Variants in ANKS1B observed in about 807,000 individuals in gnomAD.
ANKS1B encodes ankyrin repeat and sterile alpha motif domain-containing protein 1B.
ANKS1B carries 36 observed loss-of-function variants against 148.3 expected under a neutral mutation model. The ratio of observed to expected loss-of-function variants is 0.24; its 90% CI spans 0.19 to 0.32. The LOEUF (loss-of-function observed/expected upper bound fraction) is 0.32, where lower values mean the gene tolerates loss of function less well. ANKS1B is among the 10% of genes least tolerant of loss of function. The probability of loss-of-function intolerance (pLI) is 1.00; values close to 1 mark genes in which losing one functional copy is unlikely to be tolerated. For missense variants in ANKS1B, 1,157 were observed against 1,542.6 expected (o/e 0.75, Z 4.19); for synonymous variants, 542 against 560.8 (o/e 0.97, Z 0.47).
At chr12:98,789,109 G>A (rs573148286) in intron 22 of ANKS1B, among the ~76,000 whole-genome samples, 4 of 152,312 alleles carry the variant, frequency 2.6e-5, no homozygotes, top group Non-Finnish European at 4.4e-5. Context: ...CTGAGAGGCC[G>A]AGACGGGCAG....
intron 9 of ANKS1B, among the ~76,000 whole-genome samples, chr12:99,587,244 A>G (rs576438149): frequency 6.6e-6 from 1 of 152,206 alleles, no homozygotes; most frequent in South Asian, 2.1e-4. Flanking sequence ...GATTACCCTG[A>G]CACTGAGGTG....
chr12:99,511,008 C>G (rs2096760139), intron 9 of ANKS1B, among the ~76,000 whole-genome samples: 1 of 151,836 alleles, frequency 6.6e-6, no homozygotes, highest in East Asian at 1.9e-4. Flanking sequence ...ATTTGAATAC[C>G]CCTTATTTCT....
At chr12:99,058,831 A>G (rs1183624823) in intron 16 of ANKS1B, among the ~76,000 whole-genome samples, 206 of 135,028 alleles carry the variant, frequency 1.5e-3, no homozygotes, top group Non-Finnish European at 2.7e-3. Context: ...TCCGCCTCCC[A>G]GGTTCACGCC....
intron 8 of ANKS1B, among the ~76,000 whole-genome samples, chr12:99,681,490 C>T (rs2098616760): frequency 6.6e-6 from 1 of 152,194 alleles, no homozygotes; most frequent in African/African-American, 2.4e-5. Context: ...GCTGAGAGAA[C>T]TGAAAATGGA....
At chr12:98,798,146 G>C (rs1033000150) in intron 22 of ANKS1B, among the ~76,000 whole-genome samples, 1 of 143,540 alleles carries the variant, frequency 7.0e-6, no homozygotes, top group Non-Finnish European at 1.5e-5. Flanking sequence ...TTTTGAGACA[G>C]AGTTCCACTT....
intron 11 of ANKS1B, among the ~76,000 whole-genome samples, chr12:99,432,552 C>G (rs1384459556): frequency 1.3e-5 from 2 of 152,044 alleles, no homozygotes; most frequent in East Asian, 3.9e-4. Flanking sequence ...ATATCCATTC[C>G]AGGTGGGAAG....
intron 14 of ANKS1B, among the ~76,000 whole-genome samples, chr12:99,193,172 T>C (rs2080956364): frequency 6.6e-6 from 1 of 152,226 alleles, no homozygotes; most frequent in Admixed American, 6.5e-5. Context: ...ATAACAGCTA[T>C]AGCTACTGTT....
rs1166158783 is a variant in ANKS1B, at chr12:98,953,537, G to GTTTTTTTTTTTTTTTTTTTTTTT, written c.2778+99597_2778+99619dup. Among the ~76,000 whole-genome samples, 18 of 57,456 alleles carry GTTTTTTTTTTTTTTTTTTTTTTT rather than the reference G, an allele frequency of 3.1e-4. 1 individual carries two copies. Among genetic ancestry groups the GTTTTTTTTTTTTTTTTTTTTTTT allele is most frequent in the African/African-American group, 1.2e-3 (16 of 13,570 alleles). 37.7% of individuals were successfully genotyped at this position (57,456 alleles called of 152,430 possible). A position where few individuals can be genotyped will look rare whatever the true frequency, so the allele number is the denominator to read the frequency against. ...CATGTCCATTTGAGAATCTAGAGTG[G>GTTTTTTTTTTTTTTTTTTTTTTT]TTTTTTTTTTTTTTTTTTTTTTTTT... On this transcript the variant is annotated intron_variant, in intron 17 of 26. Coordinates refer to ENST00000683438, the MANE Select transcript of ANKS1B (RefSeq NM_001352186.2).
chr12:98,939,203 C>T (rs1008163438), intron 17 of ANKS1B, among the ~76,000 whole-genome samples: 3 of 152,128 alleles, frequency 2.0e-5, no homozygotes, highest in African/African-American at 7.2e-5. Flanking sequence ...AGGATTAGTG[C>T]GTATGTTGTC....
At chr12:99,591,876 C>A (rs2097706534) in intron 9 of ANKS1B, among the ~76,000 whole-genome samples, 1 of 152,186 alleles carries the variant, frequency 6.6e-6, no homozygotes, top group East Asian at 1.9e-4. Flanking sequence ...ACCCTCACAT[C>A]TAGAGCTGCA....
intron 12 of ANKS1B, among the ~76,000 whole-genome samples, chr12:99,380,644 G>A (rs2152505987): frequency 6.6e-6 from 1 of 152,220 alleles, no homozygotes; most frequent in East Asian, 1.9e-4. Context: ...GATTCTTAAT[G>A]TATTTTGTTG....
intron 14 of ANKS1B, among the ~76,000 whole-genome samples, chr12:99,206,013 A>G (rs1279110455): frequency 6.6e-6 from 1 of 152,182 alleles, no homozygotes; most frequent in African/African-American, 2.4e-5. Context: ...AGTGGGCATG[A>G]TTTGGGCACT....
Position 99,244,387 on chromosome 12 carries a change from C to T in ANKS1B, c.2374G>A (p.Val792Ile). 2 of 1,606,986 alleles carry T rather than the reference C, an allele frequency of 1.2e-6. No individual in the cohort carries two copies. The highest frequency in any genetic ancestry group is 2.2e-5 in the East Asian group (1 of 44,492). Residue 792 changes from valine (V) to isoleucine (I), a missense_variant, in exon 14 of 27, where the codon GTT (valine) becomes ATT (isoleucine). Physicochemically the swap from Val to Ile is conservative, Grantham distance 29. Coordinates refer to ENST00000683438, the MANE Select transcript of ANKS1B (RefSeq NM_001352186.2). Reference protein sequence around the residue: ...EIDKIMSSIDVGINNELKEMN... With the variant: ...EIDKIMSSIDIGINNELKEMN... ...TCTTTAAGTTCGTTGTTGATTCCAA[C>T]ATCTATGGAACTCATTATTTTGTCA...
intron 9 of ANKS1B, among the ~76,000 whole-genome samples, chr12:99,569,584 A>G (rs1467846005): frequency 6.6e-6 from 1 of 152,220 alleles, no homozygotes; most frequent in Non-Finnish European, 1.5e-5. Flanking sequence ...TGTGCTGCCC[A>G]GATTCTGCTT....
At chr12:99,187,587 C>A (rs982828880) in intron 14 of ANKS1B, among the ~76,000 whole-genome samples, 7 of 152,108 alleles carry the variant, frequency 4.6e-5, no homozygotes, top group Non-Finnish European at 8.8e-5. Flanking sequence ...CATATCCAGC[C>A]AAACTGAGCT....
chr12:99,500,783 A>G (rs1003189600), intron 10 of ANKS1B, among the ~76,000 whole-genome samples: 4 of 152,204 alleles, frequency 2.6e-5, no homozygotes, highest in Admixed American at 1.3e-4. Flanking sequence ...CTCAAGGGTA[A>G]TATCATGCTT....
chr12:99,835,422 C>T (rs1362527642), intron 1 of ANKS1B, among the ~76,000 whole-genome samples: 2 of 145,914 alleles, frequency 1.4e-5, no homozygotes, highest in African/African-American at 5.1e-5. Context: ...GAGCAAGACC[C>T]AGTCTCAAAA....
At chr12:99,725,339 G>A (rs1395836231) in intron 8 of ANKS1B, among the ~76,000 whole-genome samples, 1 of 151,950 alleles carries the variant, frequency 6.6e-6, no homozygotes, top group Non-Finnish European at 1.5e-5. Flanking sequence ...AAAGCAAAAA[G>A]AAAGCAGGGG....
At chr12:99,088,242 A>C (rs775616331) in intron 15 of ANKS1B, among the ~76,000 whole-genome samples, 13 of 151,764 alleles carry the variant, frequency 8.6e-5, no homozygotes, top group Non-Finnish European at 1.5e-4. Flanking sequence ...ATCCTAGTAC[A>C]TCATTCAGCC....
Sources: allele counts gnomAD v4.1 joint callset (sites outside exome capture counted in the v4.1 genomes callset), GRCh38; gene constraint gnomAD v4.1.1; transcripts MANE v1.5; gene names NCBI Gene and HGNC (gene_info 2026-07-23, HGNC 2026-07-21).